Variants in RAPGEF4 observed in about 807,000 individuals in gnomAD.
RAPGEF4 encodes Rap guanine nucleotide exchange factor 4.
In RAPGEF4, 66 loss-of-function variants were observed where a neutral mutation model predicts 147.9. The ratio of observed to expected loss-of-function variants is 0.45; its 90% CI spans 0.37 to 0.55. The LOEUF (loss-of-function observed/expected upper bound fraction) is 0.55. Ranked by LOEUF, RAPGEF4 falls within the 20% of genes least tolerant of loss-of-function variation. The pLI is 0.00. For missense variants in RAPGEF4, 1,071 were observed against 1,257.3 expected, an observed-to-expected ratio of 0.85 and a Z score of 2.24; for synonymous variants, 419 against 442.7, an observed-to-expected ratio of 0.95 and a Z score of 0.67.
intron 1 of RAPGEF4, among the ~76,000 whole-genome samples, chr2:172,760,717 C>CAA (rs768839615): frequency 4.0e-4 from 30 of 74,206 alleles, no homozygotes; most frequent in African/African-American, 1.2e-3. Flanking sequence ...GACTCCATCT[C>CAA]AAAAAAAAAA....
chr2:173,015,195 C>T (rs1234646642), intron 18 of RAPGEF4, among the ~76,000 whole-genome samples: 3 of 152,088 alleles, frequency 2.0e-5, no homozygotes, highest in African/African-American at 7.2e-5. Flanking sequence ...TGGAGCAGAT[C>T]ATTTATTTAG....
chr2:172,853,235 T>C (rs1379215243), intron 4 of RAPGEF4, among the ~76,000 whole-genome samples: 1 of 152,070 alleles, frequency 6.6e-6, no homozygotes, highest in African/African-American at 2.4e-5. Flanking sequence ...CATAAATATT[T>C]GATAGAATAC....
At chr2:172,951,718 C>T (rs1050764003) in intron 6 of RAPGEF4, among the ~76,000 whole-genome samples, 3 of 152,064 alleles carry the variant, frequency 2.0e-5, no homozygotes, top group African/African-American at 7.2e-5. Flanking sequence ...GGCTAGAGAG[C>T]AGAGATAAGA....
At chr2:172,941,301 C>T (rs1489716406) in intron 6 of RAPGEF4, among the ~76,000 whole-genome samples, 2 of 152,012 alleles carry the variant, frequency 1.3e-5, no homozygotes, top group East Asian at 1.9e-4. Context: ...TAATTTTTAC[C>T]TTATTTCTTA....
chr2:172,812,271 G>A (rs2194718), intron 3 of RAPGEF4, among the ~76,000 whole-genome samples: 151,045 of 152,292 alleles, frequency 0.99, 74,923 homozygotes, highest in Middle Eastern at 1. Flanking sequence ...ACAAGCCCAG[G>A]GTGCTTGAGC....
At chr2:172,938,034 C>G (rs1477655801) in intron 6 of RAPGEF4, among the ~76,000 whole-genome samples, 3 of 152,088 alleles carry the variant, frequency 2.0e-5, no homozygotes, top group Non-Finnish European at 1.5e-5. Context: ...ATTCTCGGCT[C>G]TAGTCCCAGA....
Position 172,791,084 on chromosome 2 carries a change from A to T in RAPGEF4, c.66-3941A>T, listed in dbSNP as rs571553450. On this transcript the variant is annotated intron_variant, in intron 1 of 30. Transcript: ENST00000397081. Reference sequence around the variant, plus strand: ...GCCTTTTTTATAGCAGCATTAATCCACTCATTAATCCACAGATACTGCATG... The same window carrying T: ...GCCTTTTTTATAGCAGCATTAATCCTCTCATTAATCCACAGATACTGCATG... Among the ~76,000 whole-genome samples, 75 of 152,204 alleles carry T rather than the reference A, an allele frequency of 4.9e-4. 1 individual carries two copies. Among genetic ancestry groups the T allele is most frequent in the South Asian group, 2.1e-3 (10 of 4,814 alleles).
chr2:172,750,320 TG>T (rs1695157902), intron 1 of RAPGEF4, among the ~76,000 whole-genome samples: 1 of 152,000 alleles, frequency 6.6e-6, no homozygotes, highest in Non-Finnish European at 1.5e-5. Flanking sequence ...TCCACGTGGC[TG>T]GGGAGGCCTC....
intron 29 of RAPGEF4, among the ~76,000 whole-genome samples, chr2:173,037,105 T>C (rs2106014547): frequency 6.6e-6 from 1 of 152,368 alleles, no homozygotes; most frequent in East Asian, 1.9e-4. Context: ...GCCTTTATTA[T>C]AGAGGACTAA....
rs1052361783 is a variant in RAPGEF4, at chr2:173,001,340, G to A, written c.1654G>A (p.Ala552Thr). Residue 552 changes from alanine to threonine, a missense_variant, in exon 17 of 31, where the codon GCC becomes ACC. Coordinates refer to ENST00000397081, the MANE Select transcript of RAPGEF4 (RefSeq NM_007023.4). Reference sequence around the variant, plus strand: ...TACCCAGCTTTGCCCGGCACTGGTGGCCCAATATCCTTTTATTGTGATTGT... The same window carrying A: ...TACCCAGCTTTGCCCGGCACTGGTGACCCAATATCCTTTTATTGTGATTGT... ...PNTQLCPALV[A>T]HYHAQPSQGT... The A allele has an allele frequency of 1.5e-5, 24 of 1,613,844 alleles. No individual in the cohort carries two copies. The Admixed American group carries it at 3.8e-4, about 26-fold the overall frequency.
intron 1 of RAPGEF4, among the ~76,000 whole-genome samples, chr2:172,745,946 C>T (rs970657905): frequency 2.0e-5 from 3 of 151,984 alleles, no homozygotes; most frequent in South Asian, 2.1e-4. Context: ...GGTAATTCTG[C>T]GAGGGGGCCA....
At chr2:172,906,469 G>A (rs1367625645) in intron 4 of RAPGEF4, among the ~76,000 whole-genome samples, 1 of 152,210 alleles carries the variant, frequency 6.6e-6, no homozygotes, top group Non-Finnish European at 1.5e-5. Flanking sequence ...CTTTTCTGGT[G>A]CTGATTATCC....
At chr2:172,885,651 A>C (rs536763244) in intron 4 of RAPGEF4, among the ~76,000 whole-genome samples, 1 of 152,330 alleles carries the variant, frequency 6.6e-6, no homozygotes, top group Admixed American at 6.5e-5. Flanking sequence ...ATCAGCTCTC[A>C]TGAGACTTAT....
At chr2:172,995,146 C>T (rs1693204718) in intron 15 of RAPGEF4, among the ~76,000 whole-genome samples, 1 of 152,118 alleles carries the variant, frequency 6.6e-6, no homozygotes, top group Non-Finnish European at 1.5e-5. Context: ...TCTCAACACA[C>T]CTCAAAAGTC....
chr2:172,984,463 C>T (rs1346166857), intron 11 of RAPGEF4, among the ~76,000 whole-genome samples: 2 of 152,214 alleles, frequency 1.3e-5, no homozygotes, highest in Admixed American at 1.3e-4. Flanking sequence ...CAAGTCCCCT[C>T]TCCCCTTCAA....
intron 4 of RAPGEF4, among the ~76,000 whole-genome samples, chr2:172,816,396 T>C (rs1688507097): frequency 6.6e-6 from 1 of 152,112 alleles, no homozygotes; most frequent in Non-Finnish European, 1.5e-5. Context: ...TTTCATGGTA[T>C]CTTTTTTTGC....
intron 29 of RAPGEF4, among the ~76,000 whole-genome samples, chr2:173,038,567 T>A (rs965963378): frequency 2.6e-5 from 4 of 152,000 alleles, no homozygotes; most frequent in Non-Finnish European, 5.9e-5. Context: ...GAGGGGAACA[T>A]CACACACCAG....
intron 3 of RAPGEF4, among the ~76,000 whole-genome samples, chr2:172,800,604 C>A (rs1574879436): frequency 6.6e-6 from 1 of 152,250 alleles, no homozygotes; most frequent in Admixed American, 6.5e-5. Context: ...TTTTTAGGAA[C>A]TGGCTCACAT....
chr2:172,772,558 G>A (rs1683731752), intron 1 of RAPGEF4, among the ~76,000 whole-genome samples: 1 of 151,960 alleles, frequency 6.6e-6, no homozygotes, highest in Non-Finnish European at 1.5e-5. Flanking sequence ...TGGCCAGGCT[G>A]GTCTCAAACT....
Sources: gnomAD v4.1 joint callset for allele counts (sites outside exome capture counted in the v4.1 genomes callset) on GRCh38, gnomAD v4.1.1 for gene constraint, MANE v1.5 for transcripts, NCBI Gene and HGNC (gene_info 2026-07-23, HGNC 2026-07-21) for gene names.